Variants in GRID2 observed in about 807,000 individuals in gnomAD.
GRID2 encodes glutamate ionotropic receptor delta type subunit 2, also known as glutamate receptor ionotropic, delta-2.
A neutral mutation model predicts 114.8 loss-of-function variants in GRID2; 33 were observed. That is an observed-to-expected ratio of 0.29 (90% confidence interval 0.22 to 0.38). The LOEUF is 0.38. Among genes scored for constraint, GRID2 ranks in the 10% least tolerant of loss-of-function variants. The probability of loss-of-function intolerance (pLI) is 1.00; values close to 1 mark genes in which losing one functional copy is unlikely to be tolerated. For synonymous variants in GRID2, 505 were observed against 449.9 expected, an observed-to-expected ratio of 1.12 and a Z score of -1.55; for missense variants, 1,184 against 1,257.7, an observed-to-expected ratio of 0.94 and a Z score of 0.89.
At chr4:93,396,031 T>A (rs957158390) in intron 9 of GRID2, among the ~76,000 whole-genome samples, 3 of 151,978 alleles carry the variant, frequency 2.0e-5, no homozygotes, top group African/African-American at 7.2e-5. Flanking sequence ...TGAACATAGA[T>A]AGTCAACATA....
intron 2 of GRID2, among the ~76,000 whole-genome samples, chr4:92,627,529 T>C (rs1326136482): frequency 6.6e-6 from 1 of 152,146 alleles, no homozygotes; most frequent in Admixed American, 6.6e-5. Flanking sequence ...TATAGCCAAT[T>C]GATTCTCACA....
chr4:92,346,934 C>G (rs988211857), intron 1 of GRID2, among the ~76,000 whole-genome samples: 9 of 152,132 alleles, frequency 5.9e-5, no homozygotes, highest in Non-Finnish European at 1.5e-5. Context: ...GCATCTGTCT[C>G]TCTATCTATC....
chr4:92,482,784 A>C (rs1722679309), intron 1 of GRID2, among the ~76,000 whole-genome samples: 1 of 152,204 alleles, frequency 6.6e-6, no homozygotes, highest in African/African-American at 2.4e-5. Flanking sequence ...AGATGTTACT[A>C]ATTAATTCTT....
At chr4:92,668,255 G>A (rs959199975) in intron 2 of GRID2, among the ~76,000 whole-genome samples, 2 of 151,638 alleles carry the variant, frequency 1.3e-5, no homozygotes, top group Non-Finnish European at 3.0e-5. Context: ...TTTGGCTTAA[G>A]GTGAAATGAA....
intron 14 of GRID2, among the ~76,000 whole-genome samples, chr4:93,758,923 C>A (rs750398893): frequency 1.3e-5 from 2 of 151,920 alleles, no homozygotes; most frequent in Non-Finnish European, 1.5e-5. Context: ...AAGGATGAAG[C>A]TGACATTTTA....
chr4:93,609,381 C>T (rs1740691723), intron 13 of GRID2, among the ~76,000 whole-genome samples: 1 of 84,706 alleles, frequency 1.2e-5, no homozygotes, highest in African/African-American at 4.8e-5. Flanking sequence ...GCATGAAGTC[C>T]TTGCCCACGC....
chr4:92,911,013 G>A (rs1454056091), intron 2 of GRID2, among the ~76,000 whole-genome samples: 1 of 151,978 alleles, frequency 6.6e-6, no homozygotes, highest in Non-Finnish European at 1.5e-5. Context: ...TTTGAATAGA[G>A]TACAAATACT....
Position 93,281,846 on chromosome 4 carries a change from C to T in GRID2, c.1245+43356C>T, listed in dbSNP as rs186199561. Among the ~76,000 whole-genome samples the T allele has an allele frequency of 5.8e-3, 878 of 151,922 alleles. 2 individuals are homozygous for T. The highest frequency in any genetic ancestry group is 0.014 in the Admixed American group (206 of 15,228). ...ATTTATGATTATCTTTGTAATATTA[C>T]GAAATAACAGCAAGTTACAACCCTC... On this transcript the variant is annotated intron_variant, in intron 8 of 15. Transcript: ENST00000282020.
At position 93,774,188 on chromosome 4, in the gene GRID2, T is replaced by TA. The variant is rs1369412085; in HGVS notation, c.*1690_*1691insA. On this transcript the variant is annotated 3_prime_UTR_variant, in exon 16 of 16. Transcript: ENST00000282020. ...ATTGTCACTGTTTTGTACTAAATCT[T>TA]CAAATATTGTCTACTGTGTAAGGCA... The TA allele has an allele frequency of 5.9e-5, 9 of 152,124 alleles. No homozygotes were observed. The highest frequency in any genetic ancestry group is 1.2e-4 in the Non-Finnish European group (8 of 67,978). The allele number at this position is 152,124 out of a possible 1,614,324, so 9.4% of individuals were successfully genotyped here. A position where few individuals can be genotyped will look rare whatever the true frequency, so the allele number is the denominator to read the frequency against.
chr4:92,614,176 C>G (rs1305059318), intron 2 of GRID2, among the ~76,000 whole-genome samples: 6 of 151,482 alleles, frequency 4.0e-5, no homozygotes, highest in Non-Finnish European at 8.9e-5. Context: ...AAATTTCTTC[C>G]TATCCTGCCT....
chr4:93,677,072 C>T (rs1429589640), intron 14 of GRID2, among the ~76,000 whole-genome samples: 5 of 152,034 alleles, frequency 3.3e-5, no homozygotes, highest in African/African-American at 7.2e-5. Context: ...GTCACTCCCA[C>T]CCAAATACTG....
At position 92,925,528 on chromosome 4, in the gene GRID2, A is replaced by G. The variant is rs575237925; in HGVS notation, c.245-159467A>G. Among the ~76,000 whole-genome samples the G allele has an allele frequency of 3.9e-5, 6 of 152,178 alleles. No homozygotes were observed. The South Asian group carries it at 1.2e-3, about 32-fold the overall frequency. On this transcript the variant is annotated intron_variant, in intron 2 of 15. Transcript: ENST00000282020. ...ATACAAGGCAAAAACTGGGTGTGTA[A>G]CAATATATGATCTTCTTTATGATAT... is the stretch of plus-strand genomic sequence containing the variant.
At chr4:93,055,314 G>A (rs1212622279) in intron 2 of GRID2, among the ~76,000 whole-genome samples, 1 of 151,718 alleles carries the variant, frequency 6.6e-6, no homozygotes, top group Non-Finnish European at 1.5e-5. Flanking sequence ...GGTTGACAAA[G>A]CAGTGCTGGG....
At chr4:93,107,284 G>A (rs1287847421) in intron 3 of GRID2, among the ~76,000 whole-genome samples, 1 of 152,142 alleles carries the variant, frequency 6.6e-6, no homozygotes, top group Non-Finnish European at 1.5e-5. Context: ...GGGTAATAGA[G>A]TGGGACCCTG....
intron 4 of GRID2, among the ~76,000 whole-genome samples, chr4:93,152,433 T>G (rs1363437370): frequency 6.6e-6 from 1 of 152,102 alleles, no homozygotes; most frequent in Non-Finnish European, 1.5e-5. Flanking sequence ...ACATGATTGC[T>G]TTTCCAGGAA....
At chr4:93,252,013 G>T (rs909665414) in intron 8 of GRID2, among the ~76,000 whole-genome samples, 1 of 152,054 alleles carries the variant, frequency 6.6e-6, no homozygotes, top group Non-Finnish European at 1.5e-5. Context: ...GGGATTGCTG[G>T]GTTTAGTGGT....
intron 2 of GRID2, among the ~76,000 whole-genome samples, chr4:92,593,816 T>C (rs777478856): frequency 1.3e-5 from 2 of 151,458 alleles, no homozygotes; most frequent in African/African-American, 2.4e-5. Flanking sequence ...TAAGGGCAAA[T>C]ACATTTTCAA....
intron 8 of GRID2, among the ~76,000 whole-genome samples, chr4:93,324,511 T>G (rs1009097669): frequency 6.6e-6 from 1 of 152,140 alleles, no homozygotes; most frequent in African/African-American, 2.4e-5. Context: ...TTTTGTTGAG[T>G]CTCTGCCAGC....
At chr4:93,747,039 A>C (rs1220857877) in intron 14 of GRID2, among the ~76,000 whole-genome samples, 3 of 152,058 alleles carry the variant, frequency 2.0e-5, no homozygotes, top group African/African-American at 7.2e-5. Flanking sequence ...TTTATGTTTT[A>C]GTGTTTCAAA....
Sources: gnomAD v4.1 joint callset for allele counts (sites outside exome capture counted in the v4.1 genomes callset) on GRCh38, gnomAD v4.1.1 for gene constraint, MANE v1.5 for transcripts, NCBI Gene and HGNC (gene_info 2026-07-23, HGNC 2026-07-21) for gene names.